Variants in GLRX3 observed in about 807,000 individuals in gnomAD.
The protein encoded by GLRX3 is glutaredoxin 3.
A neutral mutation model predicts 49.5 loss-of-function variants in GLRX3; 22 were observed. That is an observed-to-expected ratio of 0.44 (90% CI 0.32 to 0.63). The LOEUF is 0.63. GLRX3 is among the 30% of genes least tolerant of loss of function. The pLI is 0.05. For synonymous variants in GLRX3, 133 were observed against 140.0 expected, an observed-to-expected ratio of 0.95 and a Z score of 0.35; for missense variants, 385 against 396.3, an observed-to-expected ratio of 0.97 and a Z score of 0.24.
intron 2 of GLRX3, among the ~76,000 whole-genome samples, chr10:130,151,226 C>A (rs1019895664): frequency 6.6e-6 from 1 of 151,982 alleles, no homozygotes; most frequent in Non-Finnish European, 1.5e-5. Context: ...GTGCCCGGCT[C>A]TGGTAGAATT....
intron 2 of GLRX3, among the ~76,000 whole-genome samples, chr10:130,157,440 A>AT (rs1273509543): frequency 9.9e-5 from 12 of 120,730 alleles, no homozygotes; most frequent in South Asian, 2.8e-4. Flanking sequence ...TTTCCTCTGC[A>AT]TTTTTTTTTC....
At chr10:130,175,174 G>C in intron 10 of GLRX3, 85 bp downstream of exon 10, 2 of 818,970 alleles carry the variant, frequency 2.4e-6, no homozygotes, top group Non-Finnish European at 4.2e-6. Context: ...GGAAACTTGA[G>C]AGTTGTTTTT....
At chr10:130,141,927 A>G (rs923693756) in intron 1 of GLRX3, among the ~76,000 whole-genome samples, 21 of 152,214 alleles carry the variant, frequency 1.4e-4, no homozygotes, top group African/African-American at 5.1e-4. Flanking sequence ...TTTTAGGGCC[A>G]GAATTCAGTT....
At chr10:130,154,135 C>G (rs558003322) in intron 2 of GLRX3, among the ~76,000 whole-genome samples, 1 of 152,206 alleles carries the variant, frequency 6.6e-6, no homozygotes. Context: ...TGGGACTCAC[C>G]GAGCCAGGCA....
chr10:130,140,742 A>C (rs1230978686), intron 1 of GLRX3, among the ~76,000 whole-genome samples: 1 of 151,440 alleles, frequency 6.6e-6, no homozygotes, highest in East Asian at 1.9e-4. Flanking sequence ...TTTTTGAAAA[A>C]TGTAGTTATA....
At chr10:130,174,000 C>G (rs1184956881) in intron 8 of GLRX3, among the ~76,000 whole-genome samples, 1 of 152,150 alleles carries the variant, frequency 6.6e-6, no homozygotes, top group East Asian at 1.9e-4. Context: ...CCTCAGGCAC[C>G]CTGCAAGGAT....
In GLRX3 at chr10:130,145,454, G is replaced by C. The variant is rs761528616; in HGVS notation, c.201+135G>C. ...GAGGCGGGCAGATCACCTGAGTTCA[G>C]TAGTTTGAGACCAGCCCAGCCAACA... is the stretch of plus-strand genomic sequence containing the variant. On this transcript the variant is annotated intron_variant, in intron 2 of 10. Transcript: ENST00000331244. 2.2e-4 allele frequency: 114 copies of C among 526,658 alleles called. 1 individual carries two copies. Among genetic ancestry groups the C allele is most frequent in the Non-Finnish European group, 3.6e-4 (104 of 285,422 alleles). 32.6% of individuals were successfully genotyped at this position (526,658 alleles called of 1,614,324 possible).
intron 7 of GLRX3, 62 bp downstream of exon 7, chr10:130,169,552 G>T: frequency 9.6e-7 from 1 of 1,043,392 alleles, no homozygotes. Context: ...TGCAACAAGG[G>T]GACAGTTAAA....
chr10:130,152,647 G>A (rs951553529), intron 2 of GLRX3, among the ~76,000 whole-genome samples: 1 of 152,220 alleles, frequency 6.6e-6, no homozygotes, highest in Non-Finnish European at 1.5e-5. Context: ...CTTCTGGCTT[G>A]TAGGGTTTCT....
chr10:130,171,825 G>C (rs1346829003), intron 8 of GLRX3, among the ~76,000 whole-genome samples, 189 bp downstream of exon 8: 1 of 152,020 alleles, frequency 6.6e-6, no homozygotes, highest in Non-Finnish European at 1.5e-5. Flanking sequence ...AATTAGCCAG[G>C]CATGGTCACA....
At chr10:130,146,247 G>A (rs1862268567) in intron 2 of GLRX3, among the ~76,000 whole-genome samples, 1 of 152,168 alleles carries the variant, frequency 6.6e-6, no homozygotes, top group Admixed American at 6.5e-5. Flanking sequence ...CACAAATTAT[G>A]TCATTGAAAA....
chr10:130,157,493 G>GCCC lies in GLRX3; in HGVS notation c.202-2480_202-2478dup, dbSNP rs1161867057. Among the ~76,000 whole-genome samples the GCCC allele has an allele frequency of 2.8e-3, 17 of 5,976 alleles. 1 individual carries two copies. The highest frequency in any genetic ancestry group is 4.3e-3 in the Non-Finnish European group (7 of 1,624). 3.9% of individuals were successfully genotyped at this position (5,976 alleles called of 152,430 possible). A position where few individuals can be genotyped will look rare whatever the true frequency, so the allele number is the denominator to read the frequency against. Reference sequence around the variant, plus strand: ...TTCAACCTATTGGATGGTGGCCGCCGCCCCCCCCCCCCCCCCCCCCCCCCG... The same window carrying GCCC: ...TTCAACCTATTGGATGGTGGCCGCCGCCCCCCCCCCCCCCCCCCCCCCCCCCCG... On this transcript the variant is annotated intron_variant, in intron 2 of 10. Transcript: ENST00000331244.
chr10:130,151,745 GC>G (rs923964734), intron 2 of GLRX3, among the ~76,000 whole-genome samples: 1 of 152,108 alleles, frequency 6.6e-6, no homozygotes, highest in African/African-American at 2.4e-5. Context: ...ATGTATATGT[GC>G]CACATTTTCT....
chr10:130,176,038 G>T (rs772484308), intron 10 of GLRX3, among the ~76,000 whole-genome samples: 38 of 152,064 alleles, frequency 2.5e-4, no homozygotes, highest in Admixed American at 8.5e-4. Flanking sequence ...AATTTTCTGA[G>T]GTCAGATCTT....
At chr10:130,157,533 G>C (rs1262300478) in intron 2 of GLRX3, among the ~76,000 whole-genome samples, 1 of 98,794 alleles carries the variant, frequency 1.0e-5, no homozygotes, top group African/African-American at 4.0e-5. Context: ...TATTGGGTGA[G>C]AATGGATCTT....
At chr10:130,160,191 A>C in intron 3 of GLRX3, 122 bp downstream of exon 3, 1 of 648,062 alleles carries the variant, frequency 1.5e-6, no homozygotes, top group Non-Finnish European at 2.8e-6. Context: ...CTGGCCCTCC[A>C]CCTTTCTTCT....
intron 1 of GLRX3, among the ~76,000 whole-genome samples, chr10:130,137,908 T>C (rs1231021516): frequency 6.6e-6 from 1 of 150,940 alleles, no homozygotes; most frequent in Non-Finnish European, 1.5e-5. Flanking sequence ...CTAATTTTTA[T>C]TTTTTTTTAT....
intron 2 of GLRX3, among the ~76,000 whole-genome samples, chr10:130,148,835 G>A (rs1267956175): frequency 6.6e-6 from 1 of 152,084 alleles, no homozygotes; most frequent in East Asian, 1.9e-4. Flanking sequence ...GGTGTGAGTG[G>A]GAGGATTGTT....
chr10:130,169,345 C>G, intron 6 of GLRX3, 88 bp from the exon 7 acceptor site: 2 of 806,570 alleles, frequency 2.5e-6, no homozygotes, highest in African/African-American at 1.7e-5. Context: ...CCTGCCATCC[C>G]TCAAATATGC....
Sources: allele counts gnomAD v4.1 joint callset (sites outside exome capture counted in the v4.1 genomes callset), GRCh38; gene constraint gnomAD v4.1.1; transcripts MANE v1.5; gene names NCBI Gene and HGNC (gene_info 2026-07-23, HGNC 2026-07-21).